Variants in DDAH1 observed in about 807,000 individuals in gnomAD.
DDAH1 encodes dimethylarginine dimethylaminohydrolase 1.
A neutral mutation model predicts 28.8 loss-of-function variants in DDAH1; 19 were observed. The observed-to-expected ratio is 0.66, with a 90% confidence interval of 0.46 to 0.97. The LOEUF is 0.97. Ranked by LOEUF, DDAH1 falls within the 50% of genes least tolerant of loss-of-function variation. The pLI is 0.00. For synonymous variants in DDAH1, 153 were observed against 154.4 expected (o/e 0.99, Z 0.07); for missense variants, 326 against 375.9 (o/e 0.87, Z 1.10).
At chr1:85,343,397 C>T (rs959637779) in intron 4 of DDAH1, among the ~76,000 whole-genome samples, 2 of 152,188 alleles carry the variant, frequency 1.3e-5, no homozygotes, top group African/African-American at 4.8e-5. Flanking sequence ...GATGAGGCAA[C>T]TGCTGCCAGG....
chr1:85,331,540 T>C (rs1181828789), intron 4 of DDAH1, among the ~76,000 whole-genome samples: 1 of 152,176 alleles, frequency 6.6e-6, no homozygotes, highest in African/African-American at 2.4e-5. Flanking sequence ...ACACTCTTCA[T>C]TGCTACTGCA....
chr1:85,495,749 A>C (rs1656564168), intron 2 of DDAH1: 1 of 152,256 alleles, frequency 6.6e-6, no homozygotes, highest in Admixed American at 6.5e-5. Context: ...TTCATGGCCA[A>C]GGAATGTGGA....
chr1:85,326,839 C>T (rs1647435758), intron 4 of DDAH1, among the ~76,000 whole-genome samples: 1 of 152,112 alleles, frequency 6.6e-6, no homozygotes, highest in African/African-American at 2.4e-5. Flanking sequence ...TGATTAGAAA[C>T]CTTAGATCTA....
At chr1:85,426,921 C>CAA (rs10680800) in intron 1 of DDAH1, among the ~76,000 whole-genome samples, 32,749 of 119,788 alleles carry the variant, frequency 0.27, 4,559 homozygotes, top group East Asian at 0.57. Flanking sequence ...TTAAAAAAAA[C>CAA]AAAAAAAAAA....
chr1:85,344,098 T>A (rs1360470592), intron 4 of DDAH1, among the ~76,000 whole-genome samples: 2 of 152,142 alleles, frequency 1.3e-5, no homozygotes, highest in Non-Finnish European at 2.9e-5. Flanking sequence ...AAATTACAAG[T>A]CTATTGAAAA....
At chr1:85,455,105 A>G (rs1654827363) in intron 1 of DDAH1, among the ~76,000 whole-genome samples, 1 of 152,226 alleles carries the variant, frequency 6.6e-6, no homozygotes, top group African/African-American at 2.4e-5. Flanking sequence ...GTATTTCAAA[A>G]TAAAGTACTA....
At chr1:85,387,708 T>G (rs1463917214) in intron 1 of DDAH1, among the ~76,000 whole-genome samples, 5 of 152,086 alleles carry the variant, frequency 3.3e-5, no homozygotes, top group Admixed American at 6.5e-5. Flanking sequence ...GCTTCCCCAT[T>G]TTCAGGTATT....
At chr1:85,375,796 C>T (rs1650633479) in intron 1 of DDAH1, among the ~76,000 whole-genome samples, 1 of 152,058 alleles carries the variant, frequency 6.6e-6, no homozygotes, top group Non-Finnish European at 1.5e-5. Context: ...AAAAGAAACT[C>T]AAACTCATTT....
intron 4 of DDAH1, among the ~76,000 whole-genome samples, chr1:85,335,931 C>T (rs1473059634): frequency 1.3e-5 from 2 of 151,498 alleles, no homozygotes; most frequent in Non-Finnish European, 2.9e-5. Context: ...CACTGTACTC[C>T]AGCCTGGGTG....
intron 1 of DDAH1, among the ~76,000 whole-genome samples, chr1:85,548,642 G>C (rs552825714): frequency 6.6e-6 from 1 of 152,088 alleles, no homozygotes; most frequent in Non-Finnish European, 1.5e-5. Context: ...GGATTCAACT[G>C]GTTGATCCCT....
chr1:85,329,048 C>T (rs1034035809), intron 4 of DDAH1, among the ~76,000 whole-genome samples: 1 of 152,198 alleles, frequency 6.6e-6, no homozygotes, highest in African/African-American at 2.4e-5. Context: ...ATCTCTTAGG[C>T]CTGACTTTAT....
At chr1:85,358,644 C>T (rs886369688) in intron 2 of DDAH1, 104 bp downstream of exon 2, 7 of 909,076 alleles carry the variant, frequency 7.7e-6, no homozygotes, top group Non-Finnish European at 1.2e-5. Context: ...GAGACTCTGT[C>T]TCAAAAACAA....
chr1:85,432,706 T>C (rs891668530), intron 1 of DDAH1, among the ~76,000 whole-genome samples: 2 of 152,196 alleles, frequency 1.3e-5, no homozygotes, highest in African/African-American at 2.4e-5. Context: ...CAGAAATGAA[T>C]CTCAGTTTAC....
chr1:85,557,311 A>T (rs546360962), intron 1 of DDAH1, among the ~76,000 whole-genome samples: 1 of 152,318 alleles, frequency 6.6e-6, no homozygotes, highest in South Asian at 2.1e-4. Context: ...GCTAATCTTT[A>T]TTGAGCACTT....
chr1:85,465,075 C>CGGCGGA lies in DDAH1; in HGVS notation c.-36_-31dup. On this transcript the variant is annotated 5_prime_UTR_variant, in exon 1 of 6. Coordinates refer to ENST00000284031, the MANE Select transcript of DDAH1 (RefSeq NM_012137.4). The stretch of plus-strand genomic sequence containing the variant: ...TCGGGAGGCTTAGGGGCGGCGGCGG[C>CGGCGGA]GGCGGAGGCGGCCGGGTCCTGCCGC... 5 of 1,220,502 alleles carry CGGCGGA rather than the reference C, an allele frequency of 4.1e-6. No individual in the cohort carries two copies. The highest frequency in any genetic ancestry group is 4.1e-6 in the Non-Finnish European group (4 of 982,164). The allele number at this position is 1,220,502 out of a possible 1,614,324, so 75.6% of individuals were successfully genotyped here. A position where few individuals can be genotyped will look rare whatever the true frequency, so the allele number is the denominator to read the frequency against.
At chr1:85,461,871 T>G (rs1655138347) in intron 1 of DDAH1, among the ~76,000 whole-genome samples, 1 of 152,156 alleles carries the variant, frequency 6.6e-6, no homozygotes, top group Non-Finnish European at 1.5e-5. Flanking sequence ...ATTCCATGCT[T>G]GGAAAAGTGA....
chr1:85,329,105 C>G (rs1647600547), intron 4 of DDAH1, among the ~76,000 whole-genome samples: 1 of 152,254 alleles, frequency 6.6e-6, no homozygotes. Context: ...CTCAGTGTGA[C>G]TCATGCATGT....
At chr1:85,461,259 G>C (rs1306154988) in intron 1 of DDAH1, among the ~76,000 whole-genome samples, 1 of 152,082 alleles carries the variant, frequency 6.6e-6, no homozygotes, top group Non-Finnish European at 1.5e-5. Flanking sequence ...AACATTATTA[G>C]ACAATTAACA....
chr1:85,422,788 C>A (rs1289918083), intron 1 of DDAH1, among the ~76,000 whole-genome samples: 13 of 152,044 alleles, frequency 8.6e-5, no homozygotes, highest in Non-Finnish European at 1.6e-4. Context: ...GAGGGTGGGG[C>A]CCTCATGACG....
Sources: gnomAD v4.1 joint callset for allele counts (sites outside exome capture counted in the v4.1 genomes callset) on GRCh38, gnomAD v4.1.1 for gene constraint, MANE v1.5 for transcripts, NCBI Gene and HGNC (gene_info 2026-07-23, HGNC 2026-07-21) for gene names.